ARHGEF33: variants seen among roughly 807,000 people sequenced by gnomAD.
The protein encoded by ARHGEF33 is Rho guanine nucleotide exchange factor 33.
Under a neutral mutation model 101.9 loss-of-function variants are expected in ARHGEF33, and 72 were observed. The ratio of observed to expected loss-of-function variants is 0.71; its 90% confidence interval spans 0.58 to 0.86. The LOEUF (loss-of-function observed/expected upper bound fraction) is 0.86. ARHGEF33 is among the 40% of genes least tolerant of loss of function. The pLI is 0.00. For synonymous variants in ARHGEF33, 499 were observed against 442.5 expected (o/e 1.13, Z -1.60); for missense variants, 1,169 against 1,111.3 (o/e 1.05, Z -0.74).
intron 17 of ARHGEF33, among the ~76,000 whole-genome samples, chr2:38,968,205 A>G (rs1668093271): frequency 6.6e-6 from 1 of 152,102 alleles, no homozygotes; most frequent in African/African-American, 2.4e-5. Flanking sequence ...AGAATTTCCT[A>G]AAAATGCAGC....
intron 1 of ARHGEF33, among the ~76,000 whole-genome samples, chr2:38,895,274 G>C (rs1212384678): frequency 4.6e-5 from 7 of 152,202 alleles, no homozygotes; most frequent in African/African-American, 7.2e-5. Flanking sequence ...TTTCTAAATA[G>C]ATTTGTTCTT....
At chr2:38,892,667 C>T (rs923650605) in intron 1 of ARHGEF33, among the ~76,000 whole-genome samples, 1 of 152,186 alleles carries the variant, frequency 6.6e-6, no homozygotes, top group Non-Finnish European at 1.5e-5. Context: ...CTTTTAGTCT[C>T]CTGGTTCAAA....
chr2:38,956,910 G>T lies in ARHGEF33; in HGVS notation c.1233G>T (p.Lys411Asn). 2 of 1,552,368 alleles carry T rather than the reference G, an allele frequency of 1.3e-6. No individual in the cohort carries two copies. The highest frequency in any genetic ancestry group is 1.4e-5 in the African/African-American group (1 of 73,166). Residue 411 changes from lysine to asparagine, a missense_variant, in exon 14 of 18, where the codon AAG becomes AAT. Lys to Asn is a moderately conservative substitution (Grantham distance 94). Coordinates refer to ENST00000409978, the MANE Select transcript of ARHGEF33 (RefSeq NM_001145451.5). ...EYLIHLQNVL[K>N]FTEQEHPDYY... ...TCCCCTCCATCCAGAACGTCCTGAA[G>T]TTCACAGAGCAGGAGCACCCTGACT...
chr2:38,932,107 G>A (rs1223119630), intron 7 of ARHGEF33, among the ~76,000 whole-genome samples: 1 of 152,122 alleles, frequency 6.6e-6, no homozygotes, highest in Non-Finnish European at 1.5e-5. Flanking sequence ...GTACAGATTT[G>A]CCTTTTTAAT....
At chr2:38,957,169 G>A in intron 14 of ARHGEF33, 122 bp downstream of exon 14, 2 of 1,230,178 alleles carry the variant, frequency 1.6e-6, no homozygotes, top group East Asian at 5.1e-5. Context: ...AGGAAAGAGA[G>A]AAGGGGAGAG....
At chr2:38,932,426 T>C (rs1667028641) in intron 7 of ARHGEF33, among the ~76,000 whole-genome samples, 1 of 144,138 alleles carries the variant, frequency 6.9e-6, no homozygotes, top group Non-Finnish European at 1.5e-5. Context: ...CGTGCCCGGC[T>C]TGCCTTTTTA....
intron 2 of ARHGEF33, among the ~76,000 whole-genome samples, chr2:38,901,921 C>T (rs1258802870): frequency 6.6e-6 from 1 of 152,126 alleles, no homozygotes; most frequent in Non-Finnish European, 1.5e-5. Flanking sequence ...CGAGACCATC[C>T]TGGCTAACAC....
intron 2 of ARHGEF33, among the ~76,000 whole-genome samples, chr2:38,906,509 A>G (rs1408230846): frequency 6.6e-6 from 1 of 152,190 alleles, no homozygotes; most frequent in Non-Finnish European, 1.5e-5. Flanking sequence ...TGTGGGGTTC[A>G]GTATGCCTTA....
At chr2:38,972,369 G>A (rs1264507864) in intron 17 of ARHGEF33, among the ~76,000 whole-genome samples, 1 of 152,148 alleles carries the variant, frequency 6.6e-6, no homozygotes, top group East Asian at 1.9e-4. Context: ...TGAAAAGGAA[G>A]AGAACCTCAT....
intron 2 of ARHGEF33, among the ~76,000 whole-genome samples, chr2:38,897,266 T>C (rs1666142781): frequency 6.6e-6 from 1 of 152,284 alleles, no homozygotes; most frequent in East Asian, 1.9e-4. Flanking sequence ...ATGGAAAGAT[T>C]TTCACAGTAT....
At chr2:38,942,801 C>T (rs181317674) in intron 9 of ARHGEF33, among the ~76,000 whole-genome samples, 1 of 152,212 alleles carries the variant, frequency 6.6e-6, no homozygotes, top group East Asian at 1.9e-4. Flanking sequence ...TATGAGCATC[C>T]TTAGCTAAAT....
At chr2:38,911,922 C>T (rs949788576) in intron 2 of ARHGEF33, among the ~76,000 whole-genome samples, 5 of 152,066 alleles carry the variant, frequency 3.3e-5, no homozygotes, top group South Asian at 2.1e-4. Flanking sequence ...AGCTGTAGTA[C>T]GTGAATCAGA....
chr2:38,915,120 G>A (rs974344339), intron 2 of ARHGEF33, among the ~76,000 whole-genome samples: 2 of 152,012 alleles, frequency 1.3e-5, no homozygotes, highest in African/African-American at 4.8e-5. Context: ...CCAAAGTGCT[G>A]GGATTACAGG....
In ARHGEF33 at chr2:38,927,953, T is replaced by C. The variant is rs114641265; in HGVS notation, c.76-954T>C. 4.1e-3 allele frequency among the ~76,000 whole-genome samples: 632 copies of C among 152,324 alleles called. 9 individuals carry two copies. The highest frequency in any genetic ancestry group is 0.015 in the African/African-American group (606 of 41,578). On this transcript the variant is annotated intron_variant, in intron 4 of 17. Transcript: ENST00000409978. ...TTTTCTCCACATTTCTGTTTGTGCT[T>C]AACTTTTTGATTTACCACCTAAAGG...
At position 38,960,386 on chromosome 2, in the gene ARHGEF33, C is replaced by T. The variant is rs1572778650; in HGVS notation, c.2081C>T (p.Ala694Val). The T allele has an allele frequency of 6.6e-7, 1 of 1,509,762 alleles. No individual in the cohort carries two copies. Among genetic ancestry groups the T allele is most frequent in the East Asian group, 2.5e-5 (1 of 40,096 alleles). The allele number at this position is 1,509,762 out of a possible 1,614,324, so 93.5% of individuals were successfully genotyped here. ...AGSSSAYKLE[A>V]AAQAHGKAKP... Reference sequence around the variant, plus strand: ...AGCAGCAGCGCCTACAAACTGGAGGCGGCGGCGCAGGCGCACGGCAAGGCC... The same window carrying T: ...AGCAGCAGCGCCTACAAACTGGAGGTGGCGGCGCAGGCGCACGGCAAGGCC... The change falls in exon 16 of 18, where the codon GCG (alanine) becomes GTG (valine). Residue 694 changes from alanine (A) to valine (V), a missense_variant. Ala to Val is a moderately conservative substitution (Grantham distance 64). Coordinates refer to ENST00000409978, the MANE Select transcript of ARHGEF33 (RefSeq NM_001145451.5).
chr2:38,939,125 AC>A (rs1408702319), intron 9 of ARHGEF33, among the ~76,000 whole-genome samples: 5 of 152,088 alleles, frequency 3.3e-5, no homozygotes, highest in Admixed American at 3.3e-4. Flanking sequence ...GGCGTGCACC[AC>A]CACGTCTGGC....
chr2:38,924,102 A>G (rs1336153244), intron 4 of ARHGEF33, among the ~76,000 whole-genome samples: 7 of 152,170 alleles, frequency 4.6e-5, no homozygotes, highest in Admixed American at 2.0e-4. Context: ...AAAAATGGAA[A>G]CTTCTAAAAC....
intron 1 of ARHGEF33, among the ~76,000 whole-genome samples, chr2:38,893,483 G>A (rs577139633): frequency 1.1e-4 from 17 of 152,166 alleles, no homozygotes; most frequent in Non-Finnish European, 2.4e-4. Flanking sequence ...CCTTTTGACC[G>A]TTTCTACATA....
At chr2:38,963,645 A>G (rs1022308510) in intron 16 of ARHGEF33, among the ~76,000 whole-genome samples, 12 of 152,248 alleles carry the variant, frequency 7.9e-5, no homozygotes, top group African/African-American at 2.9e-4. Flanking sequence ...TTAAACCATT[A>G]ATAGATTTAG....
Sources: allele counts gnomAD v4.1 joint callset (sites outside exome capture counted in the v4.1 genomes callset), GRCh38; gene constraint gnomAD v4.1.1; transcripts MANE v1.5; gene names NCBI Gene and HGNC (gene_info 2026-07-23, HGNC 2026-07-21).